Variants in CDK12 observed in about 807,000 individuals in gnomAD.
The protein encoded by CDK12 is cyclin dependent kinase 12, also known as cyclin-dependent kinase 12.
Under a neutral mutation model 133.8 loss-of-function variants are expected in CDK12, and 17 were observed. The ratio of observed to expected loss-of-function variants is 0.13; its 90% CI spans 0.09 to 0.19. The LOEUF (loss-of-function observed/expected upper bound fraction) is 0.19. Ranked by LOEUF, CDK12 falls within the 10% of genes least tolerant of loss-of-function variation. CDK12 has a pLI of 1.00. For synonymous variants in CDK12, 694 were observed against 683.6 expected (o/e 1.02, Z -0.24); for missense variants, 1,508 against 1,818.7 (o/e 0.83, Z 3.11).
At chr17:39,513,328 T>C (rs766866876) in intron 8 of CDK12, among the ~76,000 whole-genome samples, 1 of 152,210 alleles carries the variant, frequency 6.6e-6, no homozygotes, top group Non-Finnish European at 1.5e-5. Flanking sequence ...CCTTCCTCTA[T>C]TAATGTCAGT....
In CDK12 at chr17:39,517,469, T is replaced by C. The variant is rs138842780; in HGVS notation, c.2876T>C (p.Val959Ala). 4.3e-6 allele frequency: 7 copies of C among 1,613,480 alleles called. No homozygotes were observed. The highest frequency in any genetic ancestry group is 5.9e-6 in the Non-Finnish European group (7 of 1,179,494). The change falls in exon 10 of 14, where the codon GTG (valine) becomes GCG (alanine). Residue 959 changes from valine (V) to alanine (A), a missense_variant. Coordinates refer to ENST00000447079, the MANE Select transcript of CDK12 (RefSeq NM_016507.4). The part of the protein sequence containing the change: ...SRLCGSPCPA[V>A]WPDVIKLPYF... ...CTTTGTGGTAGCCCTTGTCCAGCTG[T>C]GTGGCCTGATGTTATCAAACTGCCC...
intron 2 of CDK12, among the ~76,000 whole-genome samples, chr17:39,555,795 A>T (rs1433694081): frequency 6.7e-6 from 1 of 149,610 alleles, no homozygotes; most frequent in African/African-American, 2.5e-5. Context: ...GGAGTTCGAG[A>T]CCAGCCTGGG....
chr17:39,529,773 A>G (rs1224645132), intron 13 of CDK12: 2 of 152,232 alleles, frequency 1.3e-5, no homozygotes, highest in Non-Finnish European at 2.9e-5. Flanking sequence ...TATGAATTTA[A>G]TATATTTCTA....
intron 11 of CDK12, among the ~76,000 whole-genome samples, chr17:39,521,060 G>T (rs1273344160): frequency 6.6e-6 from 1 of 151,898 alleles, no homozygotes; most frequent in Admixed American, 6.6e-5. Context: ...GGTCAGGTTG[G>T]TCTCGAACTC....
intron 2 of CDK12, among the ~76,000 whole-genome samples, chr17:39,473,376 G>C (rs374557300): frequency 4.8e-4 from 73 of 152,236 alleles, no homozygotes; most frequent in African/African-American, 1.7e-3. Flanking sequence ...TAATTTTAAT[G>C]AGTCCTCTGT....
intron 1 of CDK12, among the ~76,000 whole-genome samples, chr17:39,541,941 G>T (rs10852933): frequency 0.63 from 96,046 of 152,052 alleles, 33,018 homozygotes; most frequent in South Asian, 0.89. Context: ...CCACGCAGTC[G>T]CACAGCGAGT....
At chr17:39,539,000 A>C (rs1188311710), downstream of CDK12, among the ~76,000 whole-genome samples, 3 of 152,234 alleles carry the variant, frequency 2.0e-5, no homozygotes, top group Non-Finnish European at 2.9e-5. Flanking sequence ...AGGGAGTGGT[A>C]GACCACGTTT....
chr17:39,489,184 A>C (rs147692437), intron 2 of CDK12, among the ~76,000 whole-genome samples: 8,106 of 150,664 alleles, frequency 0.054, 242 homozygotes, highest in Non-Finnish European at 0.079. Flanking sequence ...GGGTTCAAGC[A>C]GTTCTCCTGC....
rs568488211 is a variant in CDK12, at chr17:39,531,785, T to C, written c.*469T>C. 1.3e-5 allele frequency: 3 copies of C among 234,894 alleles called. No homozygotes were observed. Among genetic ancestry groups the C allele is most frequent in the African/African-American group, 2.2e-5 (1 of 45,376 alleles). The allele number at this position is 234,894 out of a possible 1,614,324, so 14.6% of individuals were successfully genotyped here. A position where few individuals can be genotyped will look rare whatever the true frequency, so the allele number is the denominator to read the frequency against. On this transcript the variant is annotated 3_prime_UTR_variant, in exon 14 of 14. Transcript: ENST00000447079. ...GGTTTTTTTCCTTTAAAGAGAATAG[T>C]GTTCACAAAATTTGAGCTGCTCTTT... is the stretch of plus-strand genomic sequence containing the variant.
chr17:39,465,853 G>A (rs1305881319), intron 1 of CDK12, among the ~76,000 whole-genome samples: 1 of 152,172 alleles, frequency 6.6e-6, no homozygotes, highest in Non-Finnish European at 1.5e-5. Context: ...TCTTGATAGA[G>A]TAGTTCATTA....
In CDK12 at chr17:39,526,226, G is replaced by A. The variant is rs2146722202; in HGVS notation, c.3670G>A (p.Ala1224Thr). 1 of 1,613,482 alleles carries A rather than the reference G, an allele frequency of 6.2e-7. No homozygotes were observed. The highest frequency in any genetic ancestry group is 8.5e-7 in the Non-Finnish European group (1 of 1,179,714). ...LSQLMKTQEP[A>T]GSLEENNSDK... ...TCAGCTGATGAAAACCCAAGAGCCA[G>A]CAGGCAGTCTGGAGGAAAACAACAG... is the stretch of plus-strand genomic sequence containing the variant. The change falls in exon 13 of 14, where the codon GCA becomes ACA. Residue 1224 changes from alanine to threonine, a missense_variant. Physicochemically the swap from Ala to Thr is moderately conservative, Grantham distance 58 (BLOSUM62 0). Coordinates refer to ENST00000447079, the MANE Select transcript of CDK12 (RefSeq NM_016507.4).
chr17:39,560,875 C>T (rs1476801147), intron 3 of CDK12, among the ~76,000 whole-genome samples: 1 of 152,084 alleles, frequency 6.6e-6, no homozygotes, highest in African/African-American at 2.4e-5. Context: ...ATTAGCCAGG[C>T]GTGGTGGCAA....
In CDK12 at chr17:39,532,102, T is replaced by TCTC. The variant is rs2054883789; in HGVS notation, c.*786_*787insCTC. 8 of 206,012 alleles carry TCTC rather than the reference T, an allele frequency of 3.9e-5. No individual in the cohort carries two copies. Among genetic ancestry groups the TCTC allele is most frequent in the African/African-American group, 1.6e-4 (6 of 37,826 alleles). The allele number at this position is 206,012 out of a possible 1,614,324, so 12.8% of individuals were successfully genotyped here. ...GCTGATGTGTGCTCTCTCTCTCTCT[T>TCTC]TCTCTCTCTCTCTCTCTCTCTCTCT... On this transcript the variant is annotated 3_prime_UTR_variant, in exon 14 of 14. Transcript: ENST00000447079.
upstream of CDK12, among the ~76,000 whole-genome samples, chr17:39,548,782 G>GC (rs1251343790): frequency 6.6e-6 from 1 of 152,142 alleles, no homozygotes; most frequent in Non-Finnish European, 1.5e-5. Context: ...GTGCCAAATG[G>GC]CCCTGGGGCC....
downstream of CDK12, among the ~76,000 whole-genome samples, chr17:39,535,631 AT>A (rs573057637): frequency 6.6e-5 from 10 of 152,074 alleles, no homozygotes; most frequent in South Asian, 1.7e-3. Context: ...ACTAACCTAG[AT>A]TTTTCTGTCA....
At chr17:39,482,397 A>G (rs1004119271) in intron 2 of CDK12, among the ~76,000 whole-genome samples, 36 of 151,984 alleles carry the variant, frequency 2.4e-4, no homozygotes, top group African/African-American at 8.2e-4. Flanking sequence ...CTGTATCTCT[A>G]TAAGTTCAGT....
intron 2 of CDK12, among the ~76,000 whole-genome samples, chr17:39,475,235 C>T (rs1026986225): frequency 4.0e-5 from 6 of 151,884 alleles, no homozygotes; most frequent in Non-Finnish European, 5.9e-5. Flanking sequence ...TTTGGGAGGC[C>T]ATGGTGGGAG....
intron 13 of CDK12, among the ~76,000 whole-genome samples, chr17:39,527,158 G>T (rs1489677332): frequency 6.6e-6 from 1 of 152,226 alleles, no homozygotes; most frequent in Admixed American, 6.5e-5. Context: ...AGGCTCGAGG[G>T]CTGAAGAGAT....
intron 1 of CDK12, among the ~76,000 whole-genome samples, chr17:39,470,674 C>T (rs1241855947): frequency 6.6e-6 from 1 of 152,148 alleles, no homozygotes; most frequent in African/African-American, 2.4e-5. Flanking sequence ...CAGGATCTTA[C>T]TCATTATACC....
Sources: allele counts gnomAD v4.1 joint callset (sites outside exome capture counted in the v4.1 genomes callset), GRCh38; gene constraint gnomAD v4.1.1; transcripts MANE v1.5; gene names NCBI Gene and HGNC (gene_info 2026-07-23, HGNC 2026-07-21).